The following PLCE1 variants were observed in gnomAD, a reference collection of about 807,000 sequenced individuals.
The protein encoded by PLCE1 is phospholipase C epsilon 1, also known as 1-phosphatidylinositol 4,5-bisphosphate phosphodiesterase epsilon-1.
In PLCE1, 119 loss-of-function variants were observed where a neutral mutation model predicts 242.8. That is an observed-to-expected ratio of 0.49 (90% confidence interval 0.42 to 0.57). The LOEUF (loss-of-function observed/expected upper bound fraction) is 0.57. PLCE1 is among the 20% of genes least tolerant of loss of function. The probability of loss-of-function intolerance (pLI) is 0.00; values close to 1 mark genes in which losing one functional copy is unlikely to be tolerated. For synonymous variants in PLCE1, 945 were observed against 1,017.4 expected (o/e 0.93, Z 1.35); for missense variants, 2,441 against 2,788.8 (o/e 0.88, Z 2.81).
intron 8 of PLCE1, among the ~76,000 whole-genome samples, chr10:94,247,035 CCAGGAGGCAGAGGTTG>C (rs1310387232): frequency 1.3e-5 from 2 of 149,092 alleles, no homozygotes; most frequent in South Asian, 4.3e-4. Context: ...TCGCTGGAAC[CCAGGAGGCAGAGGTTG>C]CAGTGAGCCA....
chr10:94,165,225 G>A (rs994544940), intron 3 of PLCE1, among the ~76,000 whole-genome samples: 2 of 152,166 alleles, frequency 1.3e-5, no homozygotes, highest in Non-Finnish European at 2.9e-5. Context: ...CCTGCCCCCA[G>A]AGGTGGAGTG....
At chr10:94,251,494 A>G (rs567381127) in intron 8 of PLCE1, among the ~76,000 whole-genome samples, 1 of 152,220 alleles carries the variant, frequency 6.6e-6, no homozygotes. Flanking sequence ...ATTAATTTTT[A>G]AAGAGCCCGC....
At chr10:94,106,966 C>A (rs2045770492) in intron 2 of PLCE1, 1 of 134,270 alleles carries the variant, frequency 7.4e-6, no homozygotes, top group Admixed American at 7.7e-5. Context: ...CCCCCCCCAA[C>A]ACCCTTTTCT....
chr10:94,053,318 G>A (rs1488160417), intron 2 of PLCE1, among the ~76,000 whole-genome samples: 1 of 152,220 alleles, frequency 6.6e-6, no homozygotes, highest in East Asian at 1.9e-4. Flanking sequence ...TTGTTCAATA[G>A]ATTTTAGCTG....
At chr10:94,286,107 C>G (rs1392656822) in intron 22 of PLCE1, among the ~76,000 whole-genome samples, 3 of 152,120 alleles carry the variant, frequency 2.0e-5, no homozygotes, top group Non-Finnish European at 4.4e-5. Flanking sequence ...TCTCCTCATA[C>G]TAAGAAAAAG....
At chr10:94,216,621 A>C (rs2049538511) in intron 4 of PLCE1, among the ~76,000 whole-genome samples, 1 of 152,114 alleles carries the variant, frequency 6.6e-6, no homozygotes, top group African/African-American at 2.4e-5. Context: ...AGTGAGCTTC[A>C]GGGATGGAAT....
intron 2 of PLCE1, among the ~76,000 whole-genome samples, chr10:94,128,828 T>C (rs2046512515): frequency 6.6e-6 from 1 of 152,152 alleles, no homozygotes; most frequent in South Asian, 2.1e-4. Flanking sequence ...CCAGGTGTGG[T>C]CACTAAAGAA....
chr10:94,295,526 T>G (rs1286265164), intron 23 of PLCE1, among the ~76,000 whole-genome samples: 1 of 152,194 alleles, frequency 6.6e-6, no homozygotes, highest in Non-Finnish European at 1.5e-5. Context: ...CCCCTCCAAG[T>G]CATCCATGAA....
At chr10:94,232,921 C>T (rs950687451) in intron 5 of PLCE1, among the ~76,000 whole-genome samples, 1 of 152,202 alleles carries the variant, frequency 6.6e-6, no homozygotes, top group African/African-American at 2.4e-5. Context: ...GATCTACAGA[C>T]TGCCCGGGAC....
rs2061453471 is a variant in PLCE1 at position 94,026,395 on chromosome 10, C to G, written c.-364-4288C>G. On this transcript the variant is annotated intron_variant, in intron 1 of 32. Transcript: ENST00000371380. ...AGCCCACACAACCTTTGACCTCTCC[C>G]AGGCTGGCACTTATCCAATCTCCCC... Among the ~76,000 whole-genome samples the G allele has an allele frequency of 2.0e-5, 3 of 152,108 alleles. No individual in the cohort carries two copies. In the South Asian group the frequency reaches 6.2e-4, roughly 32 times the overall value.
intron 3 of PLCE1, among the ~76,000 whole-genome samples, chr10:94,154,799 G>C (rs2047377662): frequency 2.6e-5 from 4 of 151,560 alleles, no homozygotes. Flanking sequence ...AACACTTTAG[G>C]AGGCCAAGGT....
chr10:94,137,306 A>T (rs983793329), intron 3 of PLCE1, among the ~76,000 whole-genome samples: 3 of 152,220 alleles, frequency 2.0e-5, no homozygotes, highest in African/African-American at 7.2e-5. Flanking sequence ...AGAATTATTG[A>T]CTTCGATAAT....
In PLCE1 at chr10:94,304,599, T is replaced by C; in HGVS notation, c.5576T>C (p.Leu1859Pro). The change falls in exon 25 of 33, where the codon CTA becomes CCA. Residue 1859 changes from leucine to proline, a missense_variant. Leu to Pro is a moderately conservative substitution (Grantham distance 98). Coordinates refer to ENST00000371380, the MANE Select transcript of PLCE1 (RefSeq NM_016341.4). ...CCCATGTATCAGAAGTTTTCTCCACTAGAAAGAGATCTGGACAGCATGGAT... is the reference window on the plus strand; with the variant it reads ...CCCATGTATCAGAAGTTTTCTCCACCAGAAAGAGATCTGGACAGCATGGAT... ...NCPMYQKFSP[L>P]ERDLDSMDPA... is the part of the protein sequence containing the mutation. 2 of 1,614,110 alleles carry C rather than the reference T, an allele frequency of 1.2e-6. No individual in the cohort carries two copies. Among genetic ancestry groups the C allele is most frequent in the African/African-American group, 2.7e-5 (2 of 75,040 alleles).
intron 19 of PLCE1, among the ~76,000 whole-genome samples, chr10:94,274,044 C>T (rs920433450): frequency 6.6e-6 from 1 of 151,878 alleles, no homozygotes; most frequent in African/African-American, 2.4e-5. Context: ...TGCTATAGTC[C>T]CCTTTAGGGA....
At chr10:94,196,036 A>C (rs564087969) in intron 4 of PLCE1, among the ~76,000 whole-genome samples, 27 of 152,294 alleles carry the variant, frequency 1.8e-4, no homozygotes, top group African/African-American at 6.3e-4. Flanking sequence ...ACAAGTTACT[A>C]AGTCTTTCTA....
intron 28 of PLCE1, among the ~76,000 whole-genome samples, chr10:94,314,008 A>C (rs1185605126): frequency 6.6e-6 from 1 of 152,108 alleles, no homozygotes; most frequent in East Asian, 1.9e-4. Flanking sequence ...TGTTACCCCA[A>C]GCCCTGTAGC....
intron 1 of PLCE1, among the ~76,000 whole-genome samples, chr10:94,021,516 T>C (rs1464431592): frequency 6.6e-6 from 1 of 152,136 alleles, no homozygotes; most frequent in African/African-American, 2.4e-5. Context: ...CCTTTCCCCA[T>C]TTAATTACAT....
In PLCE1 at chr10:94,171,364, A is replaced by C; in HGVS notation, c.1677A>C (p.Leu559Phe). Residue 559 changes from leucine to phenylalanine, a missense_variant, in exon 4 of 33, where the codon TTA becomes TTC. By Grantham distance (22) the Leu-to-Phe change is conservative. Around this residue, in one of 5 missense-constraint regions of PLCE1, gnomAD observed 733 missense variants for 754.2 expected, o/e 0.97. Transcript: ENST00000371380. ...TGCCAGTCGACTACCTTTGCTTCTT[A>C]ACACGGGACTTGGGCACTCCTGAAT... ...RVLPVDYLCF[L>F]TRDLGTPECQ... 6.2e-7 allele frequency: 1 copy of C among 1,614,192 alleles called. No individual in the cohort carries two copies.
chr10:94,317,330 TATAAG>T (rs1470214044), intron 29 of PLCE1, among the ~76,000 whole-genome samples: 3 of 151,922 alleles, frequency 2.0e-5, no homozygotes, highest in Admixed American at 2.0e-4. Context: ...AAACATACCT[TATAAG>T]ATAAAGGAAG....
Sources: allele counts gnomAD v4.1 joint callset (sites outside exome capture counted in the v4.1 genomes callset), GRCh38; gene constraint gnomAD v4.1.1; regional missense constraint gnomAD v4.1.1; transcripts MANE v1.5; gene names NCBI Gene and HGNC (gene_info 2026-07-23, HGNC 2026-07-21).